Variants in CNTN6 observed in about 807,000 individuals in gnomAD.
CNTN6 encodes contactin 6, also known as contactin-6.
A neutral mutation model predicts 122.8 loss-of-function variants in CNTN6; 137 were observed. That is an observed-to-expected ratio of 1.12 (90% confidence interval 0.97 to 1.29). The LOEUF (loss-of-function observed/expected upper bound fraction) is 1.29, where lower values mean the gene tolerates loss of function less well. Among genes scored for constraint, CNTN6 ranks in the 50% most tolerant of loss-of-function variants. The probability of loss-of-function intolerance (pLI) is 0.00; values close to 1 mark genes in which losing one functional copy is unlikely to be tolerated. For missense variants in CNTN6, 1,634 were observed against 1,223.4 expected (o/e 1.34, Z -5.01); for synonymous variants, 570 against 426.0 (o/e 1.34, Z -4.16).
intron 4 of CNTN6, among the ~76,000 whole-genome samples, chr3:1,253,263 A>T (rs1051350093): frequency 1.3e-5 from 2 of 152,196 alleles, no homozygotes; most frequent in African/African-American, 4.8e-5. Flanking sequence ...TTTTGAAAGC[A>T]AAAGAAGAAA....
At chr3:1,158,885 T>TATAC (rs1239106153) in intron 2 of CNTN6, among the ~76,000 whole-genome samples, 26 of 128,078 alleles carry the variant, frequency 2.0e-4, no homozygotes, top group East Asian at 9.6e-4. Context: ...TACACATATA[T>TATAC]ACACACATAT....
chr3:1,373,086 T>A, intron 14 of CNTN6, 131 bp downstream of exon 14: 1 of 601,106 alleles, frequency 1.7e-6, no homozygotes, highest in Non-Finnish European at 2.9e-6. Flanking sequence ...GTTTTATTTT[T>A]TAAACCCCAG....
intron 2 of CNTN6, among the ~76,000 whole-genome samples, chr3:1,173,609 T>G (rs2125306570): frequency 6.6e-6 from 1 of 152,270 alleles, no homozygotes; most frequent in African/African-American, 2.4e-5. Context: ...CCTGTGAGCT[T>G]CTGTTGAGAT....
At chr3:1,176,754 A>G (rs1244826056) in intron 2 of CNTN6, among the ~76,000 whole-genome samples, 2 of 152,226 alleles carry the variant, frequency 1.3e-5, no homozygotes, top group Non-Finnish European at 2.9e-5. Context: ...AAATAGAAGC[A>G]ATAGATACAG....
intron 12 of CNTN6, among the ~76,000 whole-genome samples, chr3:1,353,964 G>A (rs908314837): frequency 1.3e-5 from 2 of 151,466 alleles, no homozygotes; most frequent in Non-Finnish European, 3.0e-5. Context: ...TGGTTTTGCT[G>A]TTAAAATACA....
At position 1,300,533 on chromosome 3, in the gene CNTN6, AAGAG is replaced by A. The variant is rs200112679; in HGVS notation, c.761+2548_761+2551del. 5.4e-4 allele frequency among the ~76,000 whole-genome samples: 75 copies of A among 139,476 alleles called. 1 individual carries two copies. Among genetic ancestry groups the A allele is most frequent in the African/African-American group, 1.4e-3 (47 of 33,860 alleles). 91.5% of individuals were successfully genotyped at this position (139,476 alleles called of 152,430 possible). On this transcript the variant is annotated intron_variant, in intron 7 of 22. Transcript: ENST00000446702. ...AGAAAGAAAGAAAGAAAGATAAAGA[AAGAG>A]AGAGAAAGAAAGAGAAAGAAAAAGA...
intron 7 of CNTN6, among the ~76,000 whole-genome samples, chr3:1,301,389 T>C (rs1010391278): frequency 6.6e-6 from 1 of 152,098 alleles, no homozygotes; most frequent in Non-Finnish European, 1.5e-5. Context: ...AAAATTTGAG[T>C]TGGAAAATTA....
chr3:1,147,538 T>C (rs2092748643), intron 1 of CNTN6, among the ~76,000 whole-genome samples: 1 of 152,102 alleles, frequency 6.6e-6, no homozygotes, highest in Non-Finnish European at 1.5e-5. Context: ...CTTGATTTCA[T>C]TTATCACTGC....
rs757001842 is a variant in CNTN6, at chr3:1,321,698, A to C, written c.810A>C (p.Pro270=). 2.5e-6 allele frequency: 4 copies of C among 1,611,714 alleles called. No individual in the cohort carries two copies. Among genetic ancestry groups the C allele is most frequent in the Non-Finnish European group, 2.5e-6 (3 of 1,178,504 alleles). Residue 270 remains proline (P), a synonymous_variant, in exon 8 of 23, where the codon CCA becomes CCC. Coordinates refer to ENST00000446702, the MANE Select transcript of CNTN6 (RefSeq NM_001289080.2). ...SWRRLDGSPL[P]GKVKYSKSQA... ...GAAGGTTGGACGGGAGCCCGTTGCC[A>C]GGGAAAGTCAAGTACAGCAAATCCC...
At chr3:1,388,140 G>C (rs376388166) in intron 20 of CNTN6, among the ~76,000 whole-genome samples, 3,567 of 150,886 alleles carry the variant, frequency 0.024, 69 homozygotes, top group African/African-American at 0.054. Context: ...CAGCAGTAAC[G>C]TCTGCAGAGT....
Position 1,404,151 on chromosome 3 carries a change from T to A in CNTN6, c.*733T>A, listed in dbSNP as rs1036759230. ...AACTGCTGCATGAACAAATCTCAGG[T>A]AATTATGACAAGTTGATTGCAATGT... On this transcript the variant is annotated 3_prime_UTR_variant, in exon 23 of 23. Transcript: ENST00000446702. 3.9e-5 allele frequency: 6 copies of A among 152,184 alleles called. No homozygotes were observed. The highest frequency in any genetic ancestry group is 8.8e-5 in the Non-Finnish European group (6 of 68,038). 9.4% of individuals were successfully genotyped at this position (152,184 alleles called of 1,614,324 possible). A position where few individuals can be genotyped will look rare whatever the true frequency, so the allele number is the denominator to read the frequency against.
chr3:1,112,152 AC>A (rs2091510696), intron 1 of CNTN6, among the ~76,000 whole-genome samples: 1 of 152,160 alleles, frequency 6.6e-6, no homozygotes, highest in African/African-American at 2.4e-5. Flanking sequence ...AACCTCATTA[AC>A]CACCTGTTAC....
intron 12 of CNTN6, among the ~76,000 whole-genome samples, chr3:1,357,031 G>A (rs1456477518): frequency 3.3e-5 from 5 of 151,910 alleles, no homozygotes; most frequent in South Asian, 2.1e-4. Context: ...TTTTTAAAAT[G>A]CAGCATATGT....
intron 2 of CNTN6, among the ~76,000 whole-genome samples, chr3:1,154,062 A>C (rs1170469197): frequency 6.6e-6 from 1 of 152,226 alleles, no homozygotes; most frequent in African/African-American, 2.4e-5. Flanking sequence ...CCAATTTAGA[A>C]ATGCTGAAAA....
At chr3:1,199,704 A>G (rs1290400362) in intron 2 of CNTN6, among the ~76,000 whole-genome samples, 1 of 152,212 alleles carries the variant, frequency 6.6e-6, no homozygotes, top group African/African-American at 2.4e-5. Flanking sequence ...GGAGATAAGA[A>G]GCACTCTCTG....
intron 5 of CNTN6, among the ~76,000 whole-genome samples, chr3:1,292,625 C>T (rs1171263995): frequency 6.6e-6 from 1 of 152,122 alleles, no homozygotes; most frequent in Non-Finnish European, 1.5e-5. Context: ...AAACATAAAA[C>T]ATCCATTTGA....
At position 1,335,342 on chromosome 3, in the gene CNTN6, G is replaced by A. The variant is rs191512875; in HGVS notation, c.1364+5407G>A. On this transcript the variant is annotated intron_variant, in intron 11 of 22. Coordinates refer to ENST00000446702, the MANE Select transcript of CNTN6 (RefSeq NM_001289080.2). The stretch of plus-strand genomic sequence containing the variant: ...CCTCTGGCAGCCAAGGAACAACCAC[G>A]GAAAATCAGGATGAATTACAGATTA... 5.6e-4 allele frequency among the ~76,000 whole-genome samples: 85 copies of A among 152,256 alleles called. 1 individual carries two copies. The highest frequency in any genetic ancestry group is 1.9e-3 in the African/African-American group (80 of 41,568).
intron 20 of CNTN6, among the ~76,000 whole-genome samples, chr3:1,386,612 T>A (rs1199777887): frequency 2.0e-5 from 3 of 152,182 alleles, no homozygotes; most frequent in African/African-American, 7.2e-5. Flanking sequence ...TAAGATGATT[T>A]TTTTGTGGTT....
At chr3:1,345,209 C>T (rs139576851) in intron 11 of CNTN6, among the ~76,000 whole-genome samples, 3,034 of 151,928 alleles carry the variant, frequency 0.02, 106 homozygotes, top group African/African-American at 0.068. Flanking sequence ...CTCCACCTCC[C>T]GGGCTCAAGT....
Sources: gnomAD v4.1 joint callset for allele counts (sites outside exome capture counted in the v4.1 genomes callset) on GRCh38, gnomAD v4.1.1 for gene constraint, MANE v1.5 for transcripts, NCBI Gene and HGNC (gene_info 2026-07-23, HGNC 2026-07-21) for gene names.